Variants in CDH12 observed in about 807,000 individuals in gnomAD.
CDH12 encodes cadherin-12.
Under a neutral mutation model 74.1 loss-of-function variants are expected in CDH12, and 41 were observed. The observed-to-expected ratio is 0.55, with a 90% CI of 0.43 to 0.72. The LOEUF is 0.72. Ranked by LOEUF, CDH12 falls within the 30% of genes least tolerant of loss-of-function variation. The pLI, the probability that CDH12 is intolerant of heterozygous loss-of-function variation, is 0.00. For synonymous variants in CDH12, 399 were observed against 355.0 expected (o/e 1.12, Z -1.39); for missense variants, 945 against 977.2 (o/e 0.97, Z 0.44).
chr5:21,791,619 G>T (rs1396434781), intron 10 of CDH12, among the ~76,000 whole-genome samples: 1 of 150,668 alleles, frequency 6.6e-6, no homozygotes, highest in Non-Finnish European at 1.5e-5. Context: ...ACGATTATAT[G>T]ATTATAATCT....
At chr5:22,438,418 A>G (rs945227550) in intron 2 of CDH12, among the ~76,000 whole-genome samples, 26 of 152,192 alleles carry the variant, frequency 1.7e-4, no homozygotes, top group African/African-American at 6.0e-4. Flanking sequence ...TGAAGCTCAC[A>G]GAAGTGATGA....
intron 1 of CDH12, among the ~76,000 whole-genome samples, chr5:22,657,415 T>G (rs1029978272): frequency 2.6e-5 from 4 of 152,098 alleles, no homozygotes; most frequent in Non-Finnish European, 5.9e-5. Flanking sequence ...TTGATAATAT[T>G]TTACATTAAA....
At chr5:21,834,999 G>C (rs1274266900) in intron 8 of CDH12, among the ~76,000 whole-genome samples, 1 of 151,894 alleles carries the variant, frequency 6.6e-6, no homozygotes, top group Non-Finnish European at 1.5e-5. Context: ...AGTGATAAGA[G>C]TGGCAATTCA....
At chr5:22,207,249 A>C (rs1260701304) in intron 4 of CDH12, among the ~76,000 whole-genome samples, 1 of 151,966 alleles carries the variant, frequency 6.6e-6, no homozygotes, top group African/African-American at 2.4e-5. Context: ...AAAGAAAAAA[A>C]AATTCTACCA....
chr5:21,882,759 C>G, intron 6 of CDH12: 1 of 1,600,576 alleles, frequency 6.2e-7, no homozygotes, highest in Non-Finnish European at 8.6e-7. Flanking sequence ...TACAATGGAG[C>G]CAAAGGGAAG....
chr5:21,987,656 G>C (rs1354037721), intron 5 of CDH12, among the ~76,000 whole-genome samples: 10 of 152,150 alleles, frequency 6.6e-5, no homozygotes, highest in Non-Finnish European at 1.2e-4. Context: ...GATACTGAGG[G>C]AAGTGCAAAT....
At chr5:21,982,326 TTAGAC>T (rs1351481764) in intron 5 of CDH12, among the ~76,000 whole-genome samples, 5 of 152,038 alleles carry the variant, frequency 3.3e-5, no homozygotes, top group Admixed American at 3.3e-4. Context: ...CTGCCCGTCT[TTAGAC>T]TAGAACTAGA....
chr5:21,869,661 A>G (rs1002653986), intron 6 of CDH12, among the ~76,000 whole-genome samples: 1 of 152,180 alleles, frequency 6.6e-6, no homozygotes, highest in Non-Finnish European at 1.5e-5. Context: ...AGCATCACCC[A>G]AAGACTTTAT....
intron 1 of CDH12, among the ~76,000 whole-genome samples, chr5:22,728,427 A>G (rs1744271112): frequency 6.6e-6 from 1 of 151,902 alleles, no homozygotes; most frequent in African/African-American, 2.4e-5. Context: ...GTAGTCATTC[A>G]CGTTGTTTTA....
chr5:22,501,772 T>G (rs1044833182), intron 2 of CDH12, among the ~76,000 whole-genome samples: 1 of 149,684 alleles, frequency 6.7e-6, no homozygotes, highest in African/African-American at 2.4e-5. Flanking sequence ...CAGATGGCTC[T>G]GCAATTCATT....
intron 6 of CDH12, among the ~76,000 whole-genome samples, chr5:21,956,774 A>G (rs952690091): frequency 2.0e-5 from 3 of 152,028 alleles, no homozygotes; most frequent in Non-Finnish European, 4.4e-5. Context: ...TCTATTGTCA[A>G]GTGTTCTTAT....
At chr5:22,719,901 C>G (rs942661428) in intron 1 of CDH12, among the ~76,000 whole-genome samples, 1 of 152,084 alleles carries the variant, frequency 6.6e-6, no homozygotes, top group African/African-American at 2.4e-5. Flanking sequence ...GGAAAGGGAG[C>G]CCCTGGGGAA....
At chr5:21,858,906 G>A (rs1259712714) in intron 6 of CDH12, among the ~76,000 whole-genome samples, 1 of 151,846 alleles carries the variant, frequency 6.6e-6, no homozygotes, top group Non-Finnish European at 1.5e-5. Flanking sequence ...TTTGAAATAT[G>A]TATACATTGT....
At chr5:22,009,008 T>C (rs1193521083) in intron 5 of CDH12, among the ~76,000 whole-genome samples, 3 of 152,210 alleles carry the variant, frequency 2.0e-5, no homozygotes, top group Non-Finnish European at 4.4e-5. Flanking sequence ...TAATCTAAGC[T>C]CTACCTGGAC....
intron 3 of CDH12, among the ~76,000 whole-genome samples, chr5:22,340,786 G>A (rs1171540804): frequency 2.0e-5 from 3 of 151,990 alleles, no homozygotes; most frequent in African/African-American, 7.3e-5. Context: ...AAATTTCTCT[G>A]GGAGGTTTTC....
At chr5:22,770,099 T>G (rs1746729363) in intron 1 of CDH12, among the ~76,000 whole-genome samples, 1 of 151,872 alleles carries the variant, frequency 6.6e-6, no homozygotes, top group Non-Finnish European at 1.5e-5. Context: ...CGAGAGATAT[T>G]CACATGTCCC....
chr5:22,335,716 C>T (rs1240520758), intron 3 of CDH12, among the ~76,000 whole-genome samples: 1 of 152,152 alleles, frequency 6.6e-6, no homozygotes, highest in Non-Finnish European at 1.5e-5. Context: ...GCCTCCCCAG[C>T]CACATGGAAC....
intron 5 of CDH12, among the ~76,000 whole-genome samples, chr5:22,030,240 T>C (rs1738722274): frequency 1.3e-5 from 2 of 151,970 alleles, no homozygotes; most frequent in South Asian, 4.1e-4. Flanking sequence ...ATTGTACACA[T>C]GTACCCCAAA....
At chr5:22,458,327 C>T (rs1371402776) in intron 2 of CDH12, among the ~76,000 whole-genome samples, 1 of 152,150 alleles carries the variant, frequency 6.6e-6, no homozygotes, top group African/African-American at 2.4e-5. Flanking sequence ...TAGGAAGATA[C>T]TAGCAATATT....
Sources: allele counts gnomAD v4.1 joint callset (sites outside exome capture counted in the v4.1 genomes callset), GRCh38; gene constraint gnomAD v4.1.1; transcripts MANE v1.5; gene names NCBI Gene and HGNC (gene_info 2026-07-23, HGNC 2026-07-21).